UFL1: variants seen among roughly 807,000 people sequenced by gnomAD.
UFL1 encodes UFM1 specific ligase 1, also known as E3 UFM1-protein ligase 1.
A neutral mutation model predicts 99.3 loss-of-function variants in UFL1; 78 were observed. That is an observed-to-expected ratio of 0.79 (90% confidence interval 0.65 to 0.95). UFL1 has a LOEUF of 0.95. Among genes scored for constraint, UFL1 ranks in the 40% least tolerant of loss-of-function variants. The probability of loss-of-function intolerance (pLI) is 0.00; values close to 1 mark genes in which losing one functional copy is unlikely to be tolerated. For missense variants in UFL1, 936 were observed against 937.0 expected (o/e 1.00, Z 0.01); for synonymous variants, 335 against 322.2 (o/e 1.04, Z -0.42).
chr6:96,549,088 C>T (rs1770040010), intron 13 of UFL1, among the ~76,000 whole-genome samples: 1 of 151,152 alleles, frequency 6.6e-6, no homozygotes, highest in African/African-American at 2.4e-5. Flanking sequence ...GTTGTAATTC[C>T]TGAAGATGAA....
In UFL1 at chr6:96,525,412, C is replaced by G; in HGVS notation, c.350+18C>G. 1 of 1,537,242 alleles carries G rather than the reference C, an allele frequency of 6.5e-7. No homozygotes were observed. Among genetic ancestry groups the G allele is most frequent in the Non-Finnish European group, 8.9e-7 (1 of 1,126,562 alleles). On this transcript the variant is annotated intron_variant, in intron 4 of 18. Transcript: ENST00000369278. ...ATAGATGAGTAAGTACAATAAAGTA[C>G]AAATTTAAGAGCACTTTGTTTATTT...
intron 11 of UFL1, among the ~76,000 whole-genome samples, chr6:96,542,090 T>C (rs1769938623): frequency 6.6e-6 from 1 of 151,310 alleles, no homozygotes; most frequent in African/African-American, 2.4e-5. Context: ...AGTTGTAATA[T>C]GTTCAATGGT....
Position 96,536,273 on chromosome 6 carries a change from C to T in UFL1, c.685C>T (p.Arg229Cys), listed in dbSNP as rs764426064. ...SVLEELVNSG[R>C]LRGTVVGGRQ... ...GCTTGAGGAACTTGTTAATAGCGGA[C>T]GCTTACGAGGCACTGTGGTTGGTGG... Residue 229 changes from arginine (R) to cysteine (C), a missense_variant, in exon 8 of 19, where the codon CGC becomes TGC. Physicochemically the swap from Arg to Cys is radical, Grantham distance 180. Coordinates refer to ENST00000369278, the MANE Select transcript of UFL1 (RefSeq NM_015323.5). 29 of 1,609,240 alleles carry T rather than the reference C, an allele frequency of 1.8e-5. No individual in the cohort carries two copies. The highest frequency in any genetic ancestry group is 1.7e-4 in the Middle Eastern group (1 of 6,034).
At chr6:96,527,181 T>C (rs543358598) in intron 5 of UFL1, among the ~76,000 whole-genome samples, 71 of 152,218 alleles carry the variant, frequency 4.7e-4, no homozygotes, top group African/African-American at 1.6e-3. Context: ...TTTGGTAGAG[T>C]GGAAAGGACA....
At chr6:96,542,085 T>G (rs2475027) in intron 11 of UFL1, among the ~76,000 whole-genome samples, 1,608 of 151,426 alleles carry the variant, frequency 0.011, 29 homozygotes, top group African/African-American at 0.037. Context: ...AATATAGTTG[T>G]AATATGTTCA....
At chr6:96,526,255 A>G in intron 4 of UFL1, 66 bp from the exon 5 acceptor site, 7 of 1,379,198 alleles carry the variant, frequency 5.1e-6, no homozygotes, top group Non-Finnish European at 6.1e-6. Flanking sequence ...AATTAAACAT[A>G]AAATGAGGAA....
intron 6 of UFL1, among the ~76,000 whole-genome samples, chr6:96,530,761 G>C (rs776403563): frequency 4.6e-5 from 7 of 152,148 alleles, no homozygotes; most frequent in Non-Finnish European, 8.8e-5. Flanking sequence ...CCTCAAATCA[G>C]CCCTTTCTCC....
intron 12 of UFL1, among the ~76,000 whole-genome samples, chr6:96,547,514 T>C (rs1239937040): frequency 2.0e-5 from 3 of 151,554 alleles, no homozygotes; most frequent in African/African-American, 7.3e-5. Context: ...AAGACACATA[T>C]ACTCTTATGT....
intron 2 of UFL1, 76 bp from the exon 3 acceptor site, chr6:96,524,306 A>AC: frequency 7.2e-7 from 1 of 1,397,934 alleles, no homozygotes; most frequent in Non-Finnish European, 9.8e-7. Context: ...CCAAAACTTA[A>AC]ATGTTAGAAT....
chr6:96,548,556 T>G lies in UFL1; in HGVS notation c.1520+275T>G, dbSNP rs1384827102. On this transcript the variant is annotated intron_variant, in intron 13 of 18. Coordinates refer to ENST00000369278, the MANE Select transcript of UFL1 (RefSeq NM_015323.5). ...CCCATCTTACAGTCATAGGTCTTGGTTGGGGAGAAAAAGACCGGCATTAAC... is the reference window on the plus strand; with the variant it reads ...CCCATCTTACAGTCATAGGTCTTGGGTGGGGAGAAAAAGACCGGCATTAAC... 2.0e-5 allele frequency among the ~76,000 whole-genome samples: 3 copies of G among 151,538 alleles called. No homozygotes were observed. In the Admixed American group the frequency reaches 2.0e-4, roughly 10 times the overall value.
chr6:96,548,845 T>C (rs2127953223), intron 13 of UFL1, among the ~76,000 whole-genome samples: 1 of 151,824 alleles, frequency 6.6e-6, no homozygotes, highest in South Asian at 2.1e-4. Flanking sequence ...CTGTGTACGC[T>C]TTCATAAATA....
intron 11 of UFL1, 57 bp downstream of exon 11, chr6:96,540,712 G>T: frequency 6.4e-7 from 1 of 1,553,464 alleles, no homozygotes; most frequent in South Asian, 1.2e-5. Flanking sequence ...AGTGAACTTT[G>T]CATTTATCAC....
chr6:96,552,499 A>G lies in UFL1; in HGVS notation c.2003A>G (p.His668Arg). The G allele has an allele frequency of 6.3e-7, 1 of 1,583,006 alleles. No homozygotes were observed. Among genetic ancestry groups the G allele is most frequent in the Non-Finnish European group, 8.5e-7 (1 of 1,170,992 alleles). Residue 668 changes from histidine (H) to arginine (R), a missense_variant, in exon 18 of 19, where the codon CAT (histidine) becomes CGT (arginine). Physicochemically the swap from His to Arg is conservative, Grantham distance 29. Transcript: ENST00000369278. ...TTTTTTAGACAGATACTGTTCCAAC[A>G]TCGACAAGCACTGGCTGAACAGCTA... Reference protein sequence around the residue: ...KKRERQILFQHRQALAEQLKV... With the variant: ...KKRERQILFQRRQALAEQLKV...
Position 96,553,550 on chromosome 6 carries a change from T to G in UFL1, c.*47T>G. 1.3e-6 allele frequency: 2 copies of G among 1,564,962 alleles called. No homozygotes were observed. The highest frequency in any genetic ancestry group is 1.7e-6 in the Non-Finnish European group (2 of 1,150,148). On this transcript the variant is annotated 3_prime_UTR_variant, in exon 19 of 19. Coordinates refer to ENST00000369278, the MANE Select transcript of UFL1 (RefSeq NM_015323.5). ...ATATAGTAAGCATTTTCCCCCAAGGTTGAAGGTGAGTGGTCACAAAAAAGT... is the reference window on the plus strand; with the variant it reads ...ATATAGTAAGCATTTTCCCCCAAGGGTGAAGGTGAGTGGTCACAAAAAAGT...
chr6:96,546,148 T>C (rs1769994608), intron 12 of UFL1, among the ~76,000 whole-genome samples: 1 of 151,198 alleles, frequency 6.6e-6, no homozygotes, highest in African/African-American at 2.4e-5. Flanking sequence ...ACTCCTGGTC[T>C]TGATAAATGA....
chr6:96,539,113 A>T (rs537986833), intron 10 of UFL1, among the ~76,000 whole-genome samples: 1 of 151,784 alleles, frequency 6.6e-6, no homozygotes, highest in Admixed American at 6.6e-5. Flanking sequence ...TGCACAAAAA[A>T]CAGTATCTGT....
intron 11 of UFL1, among the ~76,000 whole-genome samples, chr6:96,541,746 AT>A (rs1172517277): frequency 1.3e-5 from 2 of 151,278 alleles, no homozygotes; most frequent in African/African-American, 2.4e-5. Context: ...TTTATTTCTT[AT>A]TAAAAGTTAA....
chr6:96,537,203 A>G (rs1378750101), intron 8 of UFL1, among the ~76,000 whole-genome samples, 171 bp from the exon 9 acceptor site: 1 of 151,760 alleles, frequency 6.6e-6, no homozygotes, highest in African/African-American at 2.4e-5. Context: ...ATGGATTAGA[A>G]CTTTGTTATA....
chr6:96,526,299 A>T (rs374738871), intron 4 of UFL1, 22 bp from the exon 5 acceptor site: 5 of 1,560,976 alleles, frequency 3.2e-6, no homozygotes, highest in Admixed American at 2.0e-5. Context: ...TTTTTCTATT[A>T]TTTTCTTGTT....
Sources: allele counts gnomAD v4.1 joint callset (sites outside exome capture counted in the v4.1 genomes callset), GRCh38; gene constraint gnomAD v4.1.1; transcripts MANE v1.5; gene names NCBI Gene and HGNC (gene_info 2026-07-23, HGNC 2026-07-21).